Variants in VSIG10 observed in about 807,000 individuals in gnomAD.
The protein encoded by VSIG10 is V-set and immunoglobulin domain containing 10.
Under a neutral mutation model 58.7 loss-of-function variants are expected in VSIG10, and 48 were observed. The observed-to-expected ratio is 0.82, with a 90% CI of 0.65 to 1.04. The LOEUF is 1.04. VSIG10 is among the 50% of genes least tolerant of loss of function. VSIG10 has a pLI of 0.00. For synonymous variants in VSIG10, 260 were observed against 267.1 expected (o/e 0.97, Z 0.26); for missense variants, 628 against 670.0 (o/e 0.94, Z 0.69).
chr12:118,098,298 TCCGC>T (rs1592898279), intron 1 of VSIG10, among the ~76,000 whole-genome samples: 4 of 118,924 alleles, frequency 3.4e-5, no homozygotes, highest in African/African-American at 1.0e-4. Context: ...TCCCTCTCTC[TCCGC>T]CTCTCCCTCT....
At chr12:118,068,713 C>T (rs2032360807) in intron 7 of VSIG10, 116 bp from the exon 8 acceptor site, 9 of 1,303,636 alleles carry the variant, frequency 6.9e-6, no homozygotes, top group Admixed American at 2.9e-5. Flanking sequence ...TGGAAAATTA[C>T]AGCTTGGTGA....
At chr12:118,070,821 C>G in intron 7 of VSIG10, 1 of 581,548 alleles carries the variant, frequency 1.7e-6, no homozygotes, top group Non-Finnish European at 3.1e-6. Context: ...GCAGAAATTA[C>G]TTCACTGAGC....
chr12:118,071,609 GATAAAT>G, intron 5 of VSIG10, 140 bp from the exon 6 acceptor site: 1 of 703,190 alleles, frequency 1.4e-6, no homozygotes, highest in South Asian at 1.8e-5. Context: ...TGTAATGCCA[GATAAAT>G]ATTTTATCAC....
At chr12:118,101,340 T>C (rs906711529) in intron 1 of VSIG10, among the ~76,000 whole-genome samples, 15 of 152,182 alleles carry the variant, frequency 9.9e-5, no homozygotes, top group African/African-American at 3.1e-4. Flanking sequence ...ACTGAGAAAA[T>C]TGAGATTTAG....
intron 2 of VSIG10, among the ~76,000 whole-genome samples, chr12:118,091,916 C>A (rs749111551): frequency 9.9e-5 from 15 of 152,056 alleles, no homozygotes; most frequent in Non-Finnish European, 2.1e-4. Flanking sequence ...CACCACCACA[C>A]CTGGCTAATT....
At chr12:118,075,562 G>A (rs1475365731) in intron 4 of VSIG10, among the ~76,000 whole-genome samples, 2 of 151,912 alleles carry the variant, frequency 1.3e-5, no homozygotes, top group Non-Finnish European at 1.5e-5. Flanking sequence ...CACCATGTTG[G>A]TCAGGCTGGT....
rs1039556370 is a variant in VSIG10 at position 118,064,065 on chromosome 12, T to C, written c.*2574A>G. 1.3e-5 allele frequency: 2 copies of C among 152,126 alleles called. No homozygotes were observed. Among genetic ancestry groups the C allele is most frequent in the Non-Finnish European group, 1.5e-5 (1 of 68,042 alleles). The allele number at this position is 152,126 out of a possible 1,614,324, so 9.4% of individuals were successfully genotyped here. On this transcript the variant is annotated 3_prime_UTR_variant, in exon 9 of 9. Transcript: ENST00000359236. ...AAGTTAACAATACATGCAGATAAGA[T>C]TTTTTTTAAAGCACAGTGTAACAAC...
intron 1 of VSIG10, among the ~76,000 whole-genome samples, chr12:118,099,046 CTGTG>C (rs1162088078): frequency 6.6e-6 from 1 of 151,376 alleles, no homozygotes; most frequent in Non-Finnish European, 1.5e-5. Context: ...GGCCCAGCAT[CTGTG>C]TGTTAGCGAG....
chr12:118,094,844 C>T (rs997939369), intron 2 of VSIG10, among the ~76,000 whole-genome samples: 1 of 151,888 alleles, frequency 6.6e-6, no homozygotes, highest in Non-Finnish European at 1.5e-5. Flanking sequence ...TCAAGCAATT[C>T]TCCTGCCTCA....
At chr12:118,070,927 T>C (rs1480317854) in intron 7 of VSIG10, 125 bp downstream of exon 7, 7 of 1,129,858 alleles carry the variant, frequency 6.2e-6, no homozygotes, top group African/African-American at 4.6e-5. Flanking sequence ...CCTAGGCCAG[T>C]GTCTAGCACA....
intron 2 of VSIG10, among the ~76,000 whole-genome samples, chr12:118,092,136 G>A (rs562796163): frequency 6.6e-6 from 1 of 152,224 alleles, no homozygotes; most frequent in South Asian, 2.1e-4. Context: ...TTGGCTCACT[G>A]CAACCTCCGT....
chr12:118,099,656 T>C (rs1011468548), intron 1 of VSIG10, among the ~76,000 whole-genome samples: 4 of 152,196 alleles, frequency 2.6e-5, no homozygotes, highest in South Asian at 2.1e-4. Flanking sequence ...GTGATGGCTG[T>C]ATAACCCTGG....
chr12:118,093,112 A>T (rs913924823), intron 2 of VSIG10, among the ~76,000 whole-genome samples: 2 of 146,652 alleles, frequency 1.4e-5, no homozygotes, highest in Non-Finnish European at 3.0e-5. Context: ...ACACAGTGAA[A>T]CCCTGTCTCT....
intron 4 of VSIG10, among the ~76,000 whole-genome samples, chr12:118,075,294 C>T (rs1329825286): frequency 6.6e-6 from 1 of 151,930 alleles, no homozygotes; most frequent in Non-Finnish European, 1.5e-5. Context: ...GAACATATCC[C>T]TCATGGGTAA....
At chr12:118,102,964 A>C (rs2033657918) in intron 1 of VSIG10, 1 of 152,240 alleles carries the variant, frequency 6.6e-6, no homozygotes, top group Non-Finnish European at 1.5e-5. Flanking sequence ...GTAGCAAAGC[A>C]GACCATAGAT....
At chr12:118,103,174 G>A (rs936249969) in intron 1 of VSIG10, 16 of 159,926 alleles carry the variant, frequency 1.0e-4, no homozygotes, top group African/African-American at 3.4e-4. Flanking sequence ...GTTCAACCTT[G>A]GGCAGAGGGA....
chr12:118,078,705 G>T (rs2032822694), intron 4 of VSIG10, among the ~76,000 whole-genome samples: 2 of 151,728 alleles, frequency 1.3e-5, no homozygotes, highest in Non-Finnish European at 2.9e-5. Context: ...ACTTTAGGAG[G>T]CCGAGGCAGG....
chr12:118,076,483 T>G (rs1159483090), intron 4 of VSIG10, among the ~76,000 whole-genome samples: 1 of 152,012 alleles, frequency 6.6e-6, no homozygotes, highest in Non-Finnish European at 1.5e-5. Flanking sequence ...GAGTTACAAT[T>G]CAACATGAGA....
At chr12:118,084,644 C>G (rs1388509956) in intron 2 of VSIG10, among the ~76,000 whole-genome samples, 1 of 151,986 alleles carries the variant, frequency 6.6e-6, no homozygotes, top group Non-Finnish European at 1.5e-5. Flanking sequence ...TTTGGGAGGC[C>G]GAGGTGGGTG....
Sources: allele counts gnomAD v4.1 joint callset (sites outside exome capture counted in the v4.1 genomes callset), GRCh38; gene constraint gnomAD v4.1.1; transcripts MANE v1.5; gene names NCBI Gene and HGNC (gene_info 2026-07-23, HGNC 2026-07-21).